PSTPIP2: variants seen among roughly 807,000 people sequenced by gnomAD.
The protein encoded by PSTPIP2 is proline-serine-threonine phosphatase-interacting protein 2.
In PSTPIP2, 33 loss-of-function variants were observed where a neutral mutation model predicts 63.3. The ratio of observed to expected loss-of-function variants is 0.52; its 90% CI spans 0.40 to 0.70. The LOEUF (loss-of-function observed/expected upper bound fraction) is 0.70. PSTPIP2 is among the 30% of genes least tolerant of loss of function. The pLI is 0.00. For missense variants in PSTPIP2, 312 were observed against 400.7 expected, an observed-to-expected ratio of 0.78 and a Z score of 1.89; for synonymous variants, 125 against 132.7, an observed-to-expected ratio of 0.94 and a Z score of 0.40.
intron 1 of PSTPIP2, among the ~76,000 whole-genome samples, chr18:46,065,057 T>C (rs370189350): frequency 9.4e-5 from 14 of 148,894 alleles, no homozygotes; most frequent in South Asian, 2.1e-4. Context: ...GGCAGGAGAA[T>C]TGCTTGAACC....
intron 6 of PSTPIP2, among the ~76,000 whole-genome samples, chr18:46,001,586 A>G (rs2051667153): frequency 6.6e-6 from 1 of 152,150 alleles, no homozygotes; most frequent in Non-Finnish European, 1.5e-5. Flanking sequence ...TACATTTATA[A>G]AGTTACATAA....
At chr18:45,994,233 C>T (rs908443817) in intron 9 of PSTPIP2, among the ~76,000 whole-genome samples, 1 of 152,042 alleles carries the variant, frequency 6.6e-6, no homozygotes, top group Admixed American at 6.5e-5. Context: ...TGGATATAAA[C>T]AAATATCACC....
chr18:46,040,068 C>T (rs758143837), intron 1 of PSTPIP2, 21 bp from the exon 2 acceptor site: 40 of 1,560,598 alleles, frequency 2.6e-5, no homozygotes, highest in Admixed American at 5.4e-5. Context: ...GACAACATGG[C>T]ATCAGACCAG....
chr18:46,051,014 C>T (rs569764611), intron 1 of PSTPIP2, among the ~76,000 whole-genome samples: 64 of 152,230 alleles, frequency 4.2e-4, no homozygotes, highest in African/African-American at 1.5e-3. Context: ...AGGTACCCAC[C>T]ACCACACCTG....
intron 5 of PSTPIP2, 187 bp downstream of exon 5, chr18:46,010,994 A>G (rs78972202): frequency 0.02 from 10,894 of 542,914 alleles, 150 homozygotes; most frequent in Non-Finnish European, 0.026. Context: ...AAAAAGGACA[A>G]CTGGCCTGGG....
At chr18:45,993,956 T>C (rs771103789) in intron 9 of PSTPIP2, 10 of 443,434 alleles carry the variant, frequency 2.3e-5, no homozygotes, top group Non-Finnish European at 4.2e-5. Context: ...TGATCCCAGA[T>C]ACCAATGTTC....
At chr18:46,024,074 T>A (rs1907485926) in intron 3 of PSTPIP2, among the ~76,000 whole-genome samples, 1 of 152,064 alleles carries the variant, frequency 6.6e-6, no homozygotes, top group Non-Finnish European at 1.5e-5. Flanking sequence ...ATAATTTTTT[T>A]CAGGCCAAGT....
rs548829215 is a variant in PSTPIP2, at chr18:45,988,435, G to GAAAAAAAAAAA, written c.*8+266_*8+267insTTTTTTTTTTT. ...GGGTGACACAGCGAGACTCTGCTTC[G>GAAAAAAAAAAA]AAAAAAAAAAGCAGATAAAGAGTTA... On this transcript the variant is annotated intron_variant, in intron 14 of 14. Transcript: ENST00000409746. Among the ~76,000 whole-genome samples the GAAAAAAAAAAA allele has an allele frequency of 4.4e-4, 56 of 128,572 alleles. 2 individuals are homozygous for GAAAAAAAAAAA. The highest frequency in any genetic ancestry group is 3.4e-5 in the African/African-American group (1 of 29,250). 84.3% of individuals were successfully genotyped at this position (128,572 alleles called of 152,430 possible).
chr18:46,037,933 C>T (rs1435461933), intron 2 of PSTPIP2, among the ~76,000 whole-genome samples: 1 of 152,206 alleles, frequency 6.6e-6, no homozygotes, highest in African/African-American at 2.4e-5. Flanking sequence ...TTATTTCCTA[C>T]TCTTATGTAT....
chr18:46,056,257 C>A (rs770134421), intron 1 of PSTPIP2, among the ~76,000 whole-genome samples: 5 of 152,236 alleles, frequency 3.3e-5, no homozygotes, highest in Non-Finnish European at 7.3e-5. Context: ...TTCTCCAACT[C>A]CCCTCTCCAG....
chr18:46,018,990 A>G (rs1403914843), intron 3 of PSTPIP2, among the ~76,000 whole-genome samples: 1 of 151,506 alleles, frequency 6.6e-6, no homozygotes, highest in Non-Finnish European at 1.5e-5. Flanking sequence ...CCTTCTCTCA[A>G]TCTCCCCCAT....
intron 2 of PSTPIP2, chr18:46,029,424 A>G: frequency 7.0e-7 from 1 of 1,437,676 alleles, no homozygotes; most frequent in Non-Finnish European, 9.8e-7. Flanking sequence ...GGAGAAGTTT[A>G]TGTTTGGGAT....
intron 10 of PSTPIP2, among the ~76,000 whole-genome samples, chr18:45,992,916 G>A (rs758896932): frequency 2.6e-5 from 4 of 152,008 alleles, no homozygotes; most frequent in Non-Finnish European, 2.9e-5. Flanking sequence ...AGTAGAGACG[G>A]GGTTTCACCA....
At position 45,991,806 on chromosome 18, in the gene PSTPIP2, G is replaced by A. The variant is rs77652221; in HGVS notation, c.920+96C>T. On this transcript the variant is annotated intron_variant, in intron 12 of 14. Coordinates refer to ENST00000409746, the MANE Select transcript of PSTPIP2 (RefSeq NM_024430.4). Reference sequence around the variant, plus strand: ...GCAGCCTTATTAAGCAGATGCAGTAGTAGATATGTTCCAATTCTAACATGT... The same window carrying A: ...GCAGCCTTATTAAGCAGATGCAGTAATAGATATGTTCCAATTCTAACATGT... 5.0e-3 allele frequency: 5,890 copies of A among 1,188,284 alleles called. 202 individuals carry two copies. In the African/African-American group the frequency reaches 0.08, roughly 16 times the overall value. The allele number at this position is 1,188,284 out of a possible 1,614,324, so 73.6% of individuals were successfully genotyped here.
intron 2 of PSTPIP2, among the ~76,000 whole-genome samples, chr18:46,031,627 A>G (rs1300307877): frequency 2.0e-5 from 3 of 152,224 alleles, no homozygotes; most frequent in East Asian, 1.9e-4. Context: ...ATATTTTTAC[A>G]TGTAAAAAGA....
chr18:46,052,154 T>C (rs546042043), intron 1 of PSTPIP2, among the ~76,000 whole-genome samples: 8 of 152,310 alleles, frequency 5.3e-5, no homozygotes, highest in African/African-American at 1.9e-4. Context: ...AAACAACAAA[T>C]GTGCTGCCAC....
At chr18:46,060,184 C>G (rs1180501626) in intron 1 of PSTPIP2, among the ~76,000 whole-genome samples, 1 of 151,948 alleles carries the variant, frequency 6.6e-6, no homozygotes, top group Non-Finnish European at 1.5e-5. Flanking sequence ...AAATATCTTT[C>G]CTGGTGCTTG....
At chr18:46,039,527 C>T (rs1228989850) in intron 2 of PSTPIP2, among the ~76,000 whole-genome samples, 3 of 152,134 alleles carry the variant, frequency 2.0e-5, no homozygotes, top group Non-Finnish European at 4.4e-5. Context: ...CAAGGACCTA[C>T]TCCTCCATGA....
chr18:46,045,975 C>T (rs531102654), intron 1 of PSTPIP2, among the ~76,000 whole-genome samples: 2 of 152,304 alleles, frequency 1.3e-5, no homozygotes, highest in Middle Eastern at 3.4e-3. Flanking sequence ...TCTTTTGAAG[C>T]TACGGTAATT....
Sources: allele counts gnomAD v4.1 joint callset (sites outside exome capture counted in the v4.1 genomes callset), GRCh38; gene constraint gnomAD v4.1.1; transcripts MANE v1.5; gene names NCBI Gene and HGNC (gene_info 2026-07-23, HGNC 2026-07-21).